The following NRG1 variants were observed in gnomAD, a reference collection of about 807,000 sequenced individuals.
NRG1 encodes neuregulin 1, also known as pro-neuregulin-1, membrane-bound isoform.
Under a neutral mutation model 63.8 loss-of-function variants are expected in NRG1, and 18 were observed. The ratio of observed to expected loss-of-function variants is 0.28; its 90% CI spans 0.19 to 0.42. NRG1 has a LOEUF of 0.42. Ranked by LOEUF, NRG1 falls within the 10% of genes least tolerant of loss-of-function variation. The pLI, the probability that NRG1 is intolerant of heterozygous loss-of-function variation, is 1.00. For missense variants in NRG1, 762 were observed against 814.7 expected (o/e 0.94, Z 0.79); for synonymous variants, 302 against 301.3 (o/e 1.00, Z -0.02).
At chr8:32,370,015 A>T (rs1469499474) in intron 1 of NRG1, among the ~76,000 whole-genome samples, 1 of 152,152 alleles carries the variant, frequency 6.6e-6, no homozygotes, top group Admixed American at 6.6e-5. Flanking sequence ...AAGACTCCAA[A>T]GTGCTGGTTC....
chr8:32,575,287 A>C (rs1436143648), intron 1 of NRG1, among the ~76,000 whole-genome samples: 1 of 152,024 alleles, frequency 6.6e-6, no homozygotes, highest in African/African-American at 2.4e-5. Flanking sequence ...AGCTCACTTC[A>C]TGTTCAATTG....
intron 1 of NRG1, among the ~76,000 whole-genome samples, chr8:32,479,319 T>TA (rs1408698621): frequency 2.0e-5 from 3 of 151,320 alleles, no homozygotes; most frequent in Admixed American, 6.6e-5. Flanking sequence ...CTACTAAAAA[T>TA]AAAAAAAATT....
At chr8:32,728,738 A>G (rs769316596) in intron 6 of NRG1, 145 of 834,108 alleles carry the variant, frequency 1.7e-4, no homozygotes, top group Non-Finnish European at 1.7e-4. Flanking sequence ...CTGTCTTTCC[A>G]ATGACCTGAA....
chr8:31,932,889 A>C (rs1444931587), intron 1 of NRG1, among the ~76,000 whole-genome samples: 1 of 152,170 alleles, frequency 6.6e-6, no homozygotes, highest in Non-Finnish European at 1.5e-5. Flanking sequence ...GTTTATGTGT[A>C]GTATATGATT....
intron 1 of NRG1, among the ~76,000 whole-genome samples, chr8:32,226,728 G>T (rs1846366316): frequency 6.6e-6 from 1 of 152,136 alleles, no homozygotes; most frequent in Admixed American, 6.5e-5. Context: ...TCACAGGACA[G>T]CAAACATGAG....
At chr8:32,760,661 C>A (rs1830531780) in intron 11 of NRG1, 14 of 1,280,046 alleles carry the variant, frequency 1.1e-5, no homozygotes, top group South Asian at 8.5e-5. Context: ...GCGGAAGGTG[C>A]AGCACATGGA....
At chr8:31,809,249 G>A (rs1221060506) in intron 1 of NRG1, among the ~76,000 whole-genome samples, 1 of 148,484 alleles carries the variant, frequency 6.7e-6, no homozygotes, top group Non-Finnish European at 1.5e-5. Flanking sequence ...TGCTGGTCTT[G>A]TTTAGTAATC....
chr8:32,695,063 A>G (rs1812897613), intron 5 of NRG1, among the ~76,000 whole-genome samples: 1 of 152,156 alleles, frequency 6.6e-6, no homozygotes, highest in African/African-American at 2.4e-5. Context: ...GAACTCGAAA[A>G]TTACTAAACA....
intron 5 of NRG1, among the ~76,000 whole-genome samples, chr8:32,716,821 CGTGTGT>C (rs67034958): frequency 6.0e-5 from 9 of 149,904 alleles, no homozygotes; most frequent in South Asian, 2.1e-4. Flanking sequence ...TGTGCATGTG[CGTGTGT>C]GTGTGTGTGT....
chr8:32,747,498 C>A (rs1405328432), intron 7 of NRG1, among the ~76,000 whole-genome samples: 2 of 152,032 alleles, frequency 1.3e-5, no homozygotes, highest in East Asian at 3.9e-4. Flanking sequence ...TTGAGTGTTG[C>A]ACGGAGGCAA....
At chr8:31,650,134 T>C (rs1428299807) in intron 1 of NRG1, among the ~76,000 whole-genome samples, 2 of 152,120 alleles carry the variant, frequency 1.3e-5, no homozygotes, top group African/African-American at 4.8e-5. Context: ...CATGCCACTA[T>C]GCCCAGCTAA....
At chr8:32,473,875 G>A (rs143566481) in intron 1 of NRG1, among the ~76,000 whole-genome samples, 6 of 152,036 alleles carry the variant, frequency 3.9e-5, no homozygotes, top group East Asian at 3.9e-4. Context: ...TTCTAGAGAC[G>A]ATGTCTCGCC....
At chr8:31,656,601 T>A (rs1399821421) in intron 1 of NRG1, among the ~76,000 whole-genome samples, 2 of 152,328 alleles carry the variant, frequency 1.3e-5, no homozygotes, top group Middle Eastern at 3.4e-3. Context: ...GAATAACTAA[T>A]TTGAGAGACC....
At chr8:32,500,417 C>T (rs1477603655) in intron 1 of NRG1, among the ~76,000 whole-genome samples, 1 of 152,146 alleles carries the variant, frequency 6.6e-6, no homozygotes, top group African/African-American at 2.4e-5. Flanking sequence ...CGCTATAAAC[C>T]AGATACGAGT....
intron 5 of NRG1, among the ~76,000 whole-genome samples, chr8:32,640,195 C>G (rs1473976354): frequency 1.3e-5 from 2 of 151,956 alleles, no homozygotes; most frequent in African/African-American, 2.4e-5. Context: ...CACATAACCT[C>G]AGATTAGTCT....
chr8:32,100,074 C>T (rs891104625), intron 1 of NRG1, among the ~76,000 whole-genome samples: 1 of 152,012 alleles, frequency 6.6e-6, no homozygotes, highest in Non-Finnish European at 1.5e-5. Context: ...CTTCTTCCAG[C>T]TCTTCTCCTC....
intron 1 of NRG1, among the ~76,000 whole-genome samples, chr8:32,321,211 A>G (rs1391770726): frequency 2.6e-5 from 4 of 152,136 alleles, no homozygotes; most frequent in South Asian, 4.1e-4. Context: ...GTCAATTTCA[A>G]AATTACCTCG....
At chr8:31,915,619 A>C (rs1454414143) in intron 1 of NRG1, among the ~76,000 whole-genome samples, 1 of 152,140 alleles carries the variant, frequency 6.6e-6, no homozygotes, top group East Asian at 1.9e-4. Flanking sequence ...GCGATATTGC[A>C]AGGTAGTTAT....
At chr8:32,470,363 C>A (rs7821944) in intron 1 of NRG1, among the ~76,000 whole-genome samples, 47,348 of 151,042 alleles carry the variant, frequency 0.31, 7,647 homozygotes, top group South Asian at 0.35. Flanking sequence ...TTATTTTTTT[C>A]TTTTTTTCTT....
Sources: gnomAD v4.1 joint callset for allele counts (sites outside exome capture counted in the v4.1 genomes callset) on GRCh38, gnomAD v4.1.1 for gene constraint, MANE v1.5 for transcripts, NCBI Gene and HGNC (gene_info 2026-07-23, HGNC 2026-07-21) for gene names.